Variants in PARD3 observed in about 807,000 individuals in gnomAD.
The protein encoded by PARD3 is par-3 family cell polarity regulator.
PARD3 carries 75 observed loss-of-function variants against 155.4 expected under a neutral mutation model. The ratio of observed to expected loss-of-function variants is 0.48; its 90% CI spans 0.40 to 0.58. PARD3 has a LOEUF of 0.58. Ranked by LOEUF, PARD3 falls within the 20% of genes least tolerant of loss-of-function variation. The pLI, the probability that PARD3 is intolerant of heterozygous loss-of-function variation, is 0.00. For missense variants in PARD3, 1,642 were observed against 1,721.7 expected, an observed-to-expected ratio of 0.95 and a Z score of 0.82; for synonymous variants, 576 against 610.5, an observed-to-expected ratio of 0.94 and a Z score of 0.83.
chr10:34,334,346 CAA>C (rs34205005), intron 18 of PARD3, among the ~76,000 whole-genome samples: 54 of 95,064 alleles, frequency 5.7e-4, no homozygotes, highest in East Asian at 1.3e-3. Context: ...TCCCTCTTGC[CAA>C]AAAAAAAAAA....
chr10:34,163,520 A>C (rs776572701), intron 22 of PARD3, among the ~76,000 whole-genome samples: 11 of 152,338 alleles, frequency 7.2e-5, no homozygotes, highest in Middle Eastern at 3.4e-3. Flanking sequence ...AGTGGAGATC[A>C]CACTAGAAAG....
chr10:34,196,764 A>G (rs566762023), intron 22 of PARD3, among the ~76,000 whole-genome samples: 1,792 of 151,794 alleles, frequency 0.012, 12 homozygotes, highest in Non-Finnish European at 0.013. Flanking sequence ...TAGTAGAGAC[A>G]GGGTTACACC....
At chr10:34,800,559 C>T (rs1169726456) in intron 1 of PARD3, among the ~76,000 whole-genome samples, 1 of 151,860 alleles carries the variant, frequency 6.6e-6, no homozygotes, top group Non-Finnish European at 1.5e-5. Flanking sequence ...TGCAGTGAGC[C>T]GCGATCATGC....
intron 2 of PARD3, among the ~76,000 whole-genome samples, chr10:34,650,029 G>A (rs1228696435): frequency 2.0e-5 from 3 of 152,188 alleles, no homozygotes; most frequent in South Asian, 2.1e-4. Context: ...GGCTTCAGAG[G>A]TGACAGCACA....
chr10:34,243,495 G>A (rs1953740027), intron 22 of PARD3, among the ~76,000 whole-genome samples: 1 of 152,122 alleles, frequency 6.6e-6, no homozygotes, highest in South Asian at 2.1e-4. Context: ...TCAAGTAACT[G>A]AGCTACTCAT....
At chr10:34,533,394 A>T (rs1199586809) in intron 2 of PARD3, among the ~76,000 whole-genome samples, 1 of 152,168 alleles carries the variant, frequency 6.6e-6, no homozygotes, top group Non-Finnish European at 1.5e-5. Flanking sequence ...ATATCCATGC[A>T]ACAAACCTGC....
intron 20 of PARD3, among the ~76,000 whole-genome samples, chr10:34,303,624 T>G (rs1174722723): frequency 1.3e-5 from 2 of 150,492 alleles, no homozygotes; most frequent in Non-Finnish European, 3.0e-5. Context: ...GATAAGATGT[T>G]TTTTTTTTTC....
intron 19 of PARD3, among the ~76,000 whole-genome samples, chr10:34,330,079 C>A (rs1835457909): frequency 6.6e-6 from 1 of 152,094 alleles, no homozygotes. Flanking sequence ...CTGGTCTCTG[C>A]CTTAGTTTTA....
At chr10:34,605,180 A>ATTTTTTTTTT (rs750688603) in intron 2 of PARD3, among the ~76,000 whole-genome samples, 5 of 62,430 alleles carry the variant, frequency 8.0e-5, no homozygotes, top group African/African-American at 2.8e-4. Context: ...CCAAAATGAA[A>ATTTTTTTTTT]TTTTTTTTTT....
intron 22 of PARD3, among the ~76,000 whole-genome samples, chr10:34,258,405 A>T (rs955266012): frequency 3.9e-5 from 6 of 152,092 alleles, no homozygotes; most frequent in African/African-American, 7.2e-5. Context: ...CGGGGGGAGC[A>T]GGCTACAAAA....
chr10:34,728,326 C>T (rs1037791249), intron 1 of PARD3, among the ~76,000 whole-genome samples: 1 of 152,058 alleles, frequency 6.6e-6, no homozygotes. Context: ...AATAAAGTAT[C>T]TAAAGGATTC....
At chr10:34,397,543 G>T (rs762625652) in intron 7 of PARD3, among the ~76,000 whole-genome samples, 1 of 152,122 alleles carries the variant, frequency 6.6e-6, no homozygotes, top group African/African-American at 2.4e-5. Context: ...GAATCTGTTT[G>T]GTGTATCAAA....
chr10:34,425,083 C>A (rs1399594616), intron 5 of PARD3, among the ~76,000 whole-genome samples: 2 of 151,952 alleles, frequency 1.3e-5, no homozygotes, highest in Admixed American at 6.6e-5. Context: ...ATGACCAAGA[C>A]CACTTTTTTT....
At chr10:34,423,882 A>G (rs1351516256) in intron 5 of PARD3, among the ~76,000 whole-genome samples, 1 of 152,190 alleles carries the variant, frequency 6.6e-6, no homozygotes, top group African/African-American at 2.4e-5. Context: ...AAGTTCAAAT[A>G]TTAACAAACT....
chr10:34,246,912 A>G (rs1953988702), intron 22 of PARD3, among the ~76,000 whole-genome samples: 1 of 152,266 alleles, frequency 6.6e-6, no homozygotes, highest in South Asian at 2.1e-4. Flanking sequence ...CCTGCCAGGA[A>G]AGATCCAACA....
chr10:34,372,564 A>G (rs1401093038), intron 11 of PARD3, 28 bp from the exon 12 acceptor site: 19 of 1,562,234 alleles, frequency 1.2e-5, no homozygotes, highest in Middle Eastern at 1.7e-4. Flanking sequence ...AAACATAAAT[A>G]CAGACTGACC....
chr10:34,794,675 T>C (rs1842057014), intron 1 of PARD3, among the ~76,000 whole-genome samples: 1 of 152,240 alleles, frequency 6.6e-6, no homozygotes, highest in Non-Finnish European at 1.5e-5. Context: ...TAAGATGTTA[T>C]TATCATTATC....
chr10:34,733,601 A>C (rs1479370425), intron 1 of PARD3, among the ~76,000 whole-genome samples: 1 of 152,162 alleles, frequency 6.6e-6, no homozygotes, highest in African/African-American at 2.4e-5. Context: ...CTCCTGCCTC[A>C]GCCTCCCAAG....
chr10:34,313,840 T>A (rs1296647555), intron 20 of PARD3, among the ~76,000 whole-genome samples: 1 of 152,110 alleles, frequency 6.6e-6, no homozygotes, highest in Non-Finnish European at 1.5e-5. Flanking sequence ...GAAAACATAT[T>A]ACTTCCTCAG....
Sources: gnomAD v4.1 joint callset for allele counts (sites outside exome capture counted in the v4.1 genomes callset) on GRCh38, gnomAD v4.1.1 for gene constraint, MANE v1.5 for transcripts, NCBI Gene and HGNC (gene_info 2026-07-23, HGNC 2026-07-21) for gene names.